The following CSTPP1 variants were observed in gnomAD, a reference collection of about 807,000 sequenced individuals.
The protein encoded by CSTPP1 is centriolar satellite-associated tubulin polyglutamylase complex regulator 1, also known as UPF0705 protein C11orf49.
the CSTPP1 span, among the ~76,000 whole-genome samples, chr11:46,941,578 G>T: frequency 6.6e-6 from 1 of 152,146 alleles, no homozygotes; most frequent in Non-Finnish European, 1.5e-5. Context: ...GACCTCAGGT[G>T]ATCCACCCAC....
At chr11:47,114,880 G>C in the CSTPP1 span, among the ~76,000 whole-genome samples, 2 of 152,194 alleles carry the variant, frequency 1.3e-5, no homozygotes. Context: ...GAATAGGAGT[G>C]GTGAGAGAGG....
At chr11:46,966,550 C>G in the CSTPP1 span, among the ~76,000 whole-genome samples, 86 of 151,924 alleles carry the variant, frequency 5.7e-4, no homozygotes, top group African/African-American at 1.7e-3. Flanking sequence ...AAATTTCTGC[C>G]AAATACCCAA....
the CSTPP1 span, among the ~76,000 whole-genome samples, chr11:47,122,091 A>AATATATATATATATATATATATATAT: frequency 3.1e-5 from 1 of 31,840 alleles, no homozygotes; most frequent in Non-Finnish European, 6.4e-5. Flanking sequence ...AAAAAAAAAA[A>AATATATATATATATATATATATATAT]ATATATATAT....
the CSTPP1 span, chr11:47,052,327 A>G: frequency 2.6e-6 from 4 of 1,546,258 alleles, no homozygotes; most frequent in Admixed American, 2.1e-5. Context: ...TCAATTTTTC[A>G]TTCTGATTCC....
At chr11:47,066,211 A>T in the CSTPP1 span, among the ~76,000 whole-genome samples, 1 of 147,646 alleles carries the variant, frequency 6.8e-6, no homozygotes, top group Admixed American at 6.9e-5. Context: ...CTTTTTCCTG[A>T]TCTTAGGGGA....
the CSTPP1 span, among the ~76,000 whole-genome samples, chr11:46,938,877 A>T: frequency 6.6e-6 from 1 of 150,782 alleles, no homozygotes. Flanking sequence ...TCCGGGCTCA[A>T]GTGATCCTGC....
the CSTPP1 span, among the ~76,000 whole-genome samples, chr11:47,012,837 G>T: frequency 6.6e-5 from 10 of 151,796 alleles, no homozygotes; most frequent in African/African-American, 2.2e-4. Context: ...GGAATAAAAG[G>T]GGGAAATGAA....
the CSTPP1 span, among the ~76,000 whole-genome samples, chr11:46,964,266 C>G: frequency 6.6e-6 from 1 of 151,432 alleles, no homozygotes; most frequent in African/African-American, 2.4e-5. Context: ...TTCCAGAATT[C>G]ACAGTGTCTT....
the CSTPP1 span, among the ~76,000 whole-genome samples, chr11:47,120,515 G>A: frequency 0.015 from 2,336 of 152,314 alleles, 35 homozygotes; most frequent in Non-Finnish European, 0.022. The surrounding 1 kb of genome is among the most constrained non-coding windows in gnomAD (Gnocchi z 4.2). Flanking sequence ...TTTAAGTTGT[G>A]AAGTCACAGG....
At chr11:47,087,717 A>G in the CSTPP1 span, among the ~76,000 whole-genome samples, 64 of 150,196 alleles carry the variant, frequency 4.3e-4, no homozygotes, top group Non-Finnish European at 4.8e-4. Context: ...TGTCAAATGT[A>G]TGTGTGTGTG....
At chr11:46,987,238 A>G in the CSTPP1 span, 2 of 1,614,136 alleles carry the variant, frequency 1.2e-6, no homozygotes, top group East Asian at 4.5e-5. Flanking sequence ...TACATGGAGG[A>G]TGCAGTGTGC....
chr11:47,051,655 A>G, the CSTPP1 span, among the ~76,000 whole-genome samples: 1 of 150,888 alleles, frequency 6.6e-6, no homozygotes, highest in Admixed American at 6.6e-5. Flanking sequence ...GGCAGCTGGT[A>G]TAGGCCAGGG....
chr11:47,141,162 T>G, the CSTPP1 span, among the ~76,000 whole-genome samples: 1 of 152,226 alleles, frequency 6.6e-6, no homozygotes, highest in East Asian at 1.9e-4. Context: ...TTTTAATATA[T>G]TTCCAGAGTT....
the CSTPP1 span, among the ~76,000 whole-genome samples, chr11:47,104,847 G>T: frequency 6.6e-6 from 1 of 152,224 alleles, no homozygotes; most frequent in Non-Finnish European, 1.5e-5. Flanking sequence ...AAGGCAGTCT[G>T]ATACCAGATC....
At chr11:47,074,995 T>C in the CSTPP1 span, among the ~76,000 whole-genome samples, 1 of 152,156 alleles carries the variant, frequency 6.6e-6, no homozygotes, top group African/African-American at 2.4e-5. Flanking sequence ...TGAAAGAAAA[T>C]GGACATGTAA....
chr11:47,152,526 C>T, the CSTPP1 span, among the ~76,000 whole-genome samples: 7 of 151,496 alleles, frequency 4.6e-5, no homozygotes, highest in South Asian at 2.1e-4. Context: ...CGCGAGGCTG[C>T]GAGGCAGGGG....
chr11:47,057,932 C>T, the CSTPP1 span, among the ~76,000 whole-genome samples: 2 of 152,164 alleles, frequency 1.3e-5, no homozygotes, highest in Admixed American at 6.5e-5. Context: ...AATCGATCCG[C>T]AAGTAATTTA....
the CSTPP1 span, among the ~76,000 whole-genome samples, chr11:47,099,939 A>G: frequency 1.3e-5 from 2 of 152,146 alleles, no homozygotes; most frequent in South Asian, 2.1e-4. Flanking sequence ...GGTTTTTTAT[A>G]GGACTCTCTT....
the CSTPP1 span, among the ~76,000 whole-genome samples, chr11:46,963,821 T>C: frequency 6.6e-6 from 1 of 151,448 alleles, no homozygotes; most frequent in African/African-American, 2.4e-5. Flanking sequence ...ACTAATGTAG[T>C]TTGTTTGAAG....
Sources: allele counts gnomAD v4.1 joint callset (sites outside exome capture counted in the v4.1 genomes callset), GRCh38; gene constraint gnomAD v4.1.1; non-coding constraint Gnocchi (gnomAD v3.1); transcripts MANE v1.5; gene names NCBI Gene and HGNC (gene_info 2026-07-23, HGNC 2026-07-21).